The following LY86 variants were observed in gnomAD, a reference collection of about 807,000 sequenced individuals.
The protein encoded by LY86 is lymphocyte antigen 86.
A neutral mutation model predicts 17.3 loss-of-function variants in LY86; 20 were observed. The ratio of observed to expected loss-of-function variants is 1.15; its 90% CI spans 0.81 to 1.68. LY86 has a LOEUF of 1.68. Among genes scored for constraint, LY86 ranks in the 40% most tolerant of loss-of-function variants. The probability of loss-of-function intolerance (pLI) is 0.00; values close to 1 mark genes in which losing one functional copy is unlikely to be tolerated. For synonymous variants in LY86, 74 were observed against 70.6 expected (o/e 1.05, Z -0.24); for missense variants, 200 against 191.9 (o/e 1.04, Z -0.25).
At chr6:6,629,748 C>A (rs1026787547) in intron 3 of LY86, among the ~76,000 whole-genome samples, 2 of 152,212 alleles carry the variant, frequency 1.3e-5, no homozygotes, top group South Asian at 4.1e-4. Context: ...TTAAGGCAAG[C>A]ATCACATTGG....
chr6:6,625,515 T>G (rs912847266), intron 2 of LY86, among the ~76,000 whole-genome samples: 1 of 152,214 alleles, frequency 6.6e-6, no homozygotes, highest in African/African-American at 2.4e-5. Flanking sequence ...ACTTTCTGAT[T>G]GTTTAATTTT....
At chr6:6,636,802 C>T (rs575710493) in intron 3 of LY86, among the ~76,000 whole-genome samples, 2 of 151,590 alleles carry the variant, frequency 1.3e-5, no homozygotes, top group Admixed American at 1.3e-4. Context: ...CTTGTAAATA[C>T]CAGGCAGCTG....
intron 3 of LY86, among the ~76,000 whole-genome samples, chr6:6,646,674 T>A (rs1363682265): frequency 6.6e-6 from 1 of 152,180 alleles, no homozygotes; most frequent in Non-Finnish European, 1.5e-5. Context: ...ACTTCCCCAC[T>A]GTTACAATCA....
chr6:6,605,483 T>A (rs1344978330), intron 1 of LY86, among the ~76,000 whole-genome samples: 1 of 152,244 alleles, frequency 6.6e-6, no homozygotes, highest in Non-Finnish European at 1.5e-5. Context: ...CTTCAATAGC[T>A]ATTAGCCAGA....
chr6:6,592,845 AAGCCCCCC>A (rs1760574913), intron 1 of LY86, among the ~76,000 whole-genome samples: 1 of 152,190 alleles, frequency 6.6e-6, no homozygotes, highest in South Asian at 2.1e-4. Flanking sequence ...TTGGCTGTTT[AAGCCCCCC>A]AGTCTATATA....
In LY86 at chr6:6,588,863, G is replaced by C; in HGVS notation, c.129G>C (p.Gln43His). Residue 43 changes from glutamine (Q) to histidine (H), a missense_variant, in exon 1 of 5, where the codon CAG (glutamine) becomes CAC (histidine). By Grantham distance (24) the Gln-to-His change is conservative. Transcript: ENST00000230568. ...ACAGCGGCTTGGAAGTGCTCTACCA[G>C]AGTTGCGGTAAGCCCTTGCAGTACA... is the stretch of plus-strand genomic sequence containing the variant. ...CSDSGLEVLY[Q>H]SCDPLQDFGF... 6.2e-7 allele frequency: 1 copy of C among 1,614,016 alleles called. No individual in the cohort carries two copies. Among genetic ancestry groups the C allele is most frequent in the Non-Finnish European group, 8.5e-7 (1 of 1,179,920 alleles).
At chr6:6,605,706 C>T (rs1359410715) in intron 1 of LY86, among the ~76,000 whole-genome samples, 4 of 151,962 alleles carry the variant, frequency 2.6e-5, no homozygotes, top group African/African-American at 9.7e-5. Context: ...AATGAAGCCG[C>T]GGAACCTCGC....
rs78292084 is a variant in LY86, at chr6:6,637,004, G to T, written c.352+10583G>T. Among the ~76,000 whole-genome samples, 54 of 109,846 alleles carry T rather than the reference G, an allele frequency of 4.9e-4. 1 individual carries two copies. Among genetic ancestry groups the T allele is most frequent in the East Asian group, 2.5e-3 (9 of 3,536 alleles). The allele number at this position is 109,846 out of a possible 152,430, so 72.1% of individuals were successfully genotyped here. On this transcript the variant is annotated intron_variant, in intron 3 of 4. Coordinates refer to ENST00000230568, the MANE Select transcript of LY86 (RefSeq NM_004271.4). ...AAATGGAATGAAAGGAAGCATATTGGTTTTTTTTTTTTTTTTTTTTTAATG... is the reference window on the plus strand; with the variant it reads ...AAATGGAATGAAAGGAAGCATATTGTTTTTTTTTTTTTTTTTTTTTTAATG...
chr6:6,607,279 C>T (rs1761195104), intron 1 of LY86, among the ~76,000 whole-genome samples: 1 of 152,190 alleles, frequency 6.6e-6, no homozygotes, highest in Non-Finnish European at 1.5e-5. Flanking sequence ...CCAAACTGTA[C>T]TCTTGAAAAT....
At position 6,609,561 on chromosome 6, in the gene LY86, T is replaced by G. The variant is rs190371608; in HGVS notation, c.137-15365T>G. Among the ~76,000 whole-genome samples, 99 of 152,322 alleles carry G rather than the reference T, an allele frequency of 6.5e-4. 1 individual carries two copies. Among genetic ancestry groups the G allele is most frequent in the African/African-American group, 2.0e-3 (84 of 41,580 alleles). On this transcript the variant is annotated intron_variant, in intron 1 of 4. Coordinates refer to ENST00000230568, the MANE Select transcript of LY86 (RefSeq NM_004271.4). ...GGCACTACTCCACCTTAAATCCAGG[T>G]GGCCACATTCAGAAGCACTGTCACG...
intron 3 of LY86, among the ~76,000 whole-genome samples, chr6:6,642,168 G>A (rs377349540): frequency 4.1e-4 from 62 of 152,376 alleles, no homozygotes; most frequent in Admixed American, 1.1e-3. Flanking sequence ...AGCATATGCT[G>A]CTGGGATTCA....
chr6:6,652,466 G>C (rs1477183564), intron 4 of LY86, among the ~76,000 whole-genome samples: 1 of 152,084 alleles, frequency 6.6e-6, no homozygotes, highest in African/African-American at 2.4e-5. Context: ...CATTCTCCAG[G>C]GTCTTGGTAT....
At chr6:6,605,695 G>A (rs1027874080) in intron 1 of LY86, among the ~76,000 whole-genome samples, 6 of 152,170 alleles carry the variant, frequency 3.9e-5, no homozygotes, top group Non-Finnish European at 7.3e-5. Flanking sequence ...CGGACTTAAA[G>A]AATGAAGCCG....
At chr6:6,643,109 T>C (rs919073141) in intron 3 of LY86, among the ~76,000 whole-genome samples, 6 of 152,236 alleles carry the variant, frequency 3.9e-5, no homozygotes, top group Non-Finnish European at 8.8e-5. Context: ...CCTTTGGATA[T>C]ATAAATACCT....
In LY86 at chr6:6,654,786, C is replaced by T; in HGVS notation, c.*159C>T. 1 of 611,716 alleles carries T rather than the reference C, an allele frequency of 1.6e-6. No individual in the cohort carries two copies. The highest frequency in any genetic ancestry group is 2.9e-6 in the Non-Finnish European group (1 of 344,392). The allele number at this position is 611,716 out of a possible 1,614,324, so 37.9% of individuals were successfully genotyped here. On this transcript the variant is annotated 3_prime_UTR_variant, in exon 5 of 5. Coordinates refer to ENST00000230568, the MANE Select transcript of LY86 (RefSeq NM_004271.4). ...CAGCTGCTAATTTTAGTCCCAGGAC[C>T]AGACATCCCCAGACTCCACAGATGT...
intron 1 of LY86, among the ~76,000 whole-genome samples, chr6:6,593,695 A>T (rs1232730269): frequency 6.6e-6 from 1 of 152,170 alleles, no homozygotes; most frequent in Admixed American, 6.5e-5. Context: ...TTCTGAAATA[A>T]AATTAGTTTT....
At chr6:6,640,595 C>T (rs1762025853) in intron 3 of LY86, among the ~76,000 whole-genome samples, 1 of 151,744 alleles carries the variant, frequency 6.6e-6, no homozygotes, top group African/African-American at 2.4e-5. Context: ...GTGGTGTAGT[C>T]CTGGCTACTT....
In LY86 at chr6:6,624,265, G is replaced by T. The variant is rs572394724; in HGVS notation, c.137-661G>T. 5.3e-5 allele frequency among the ~76,000 whole-genome samples: 8 copies of T among 151,016 alleles called. No homozygotes were observed. The East Asian group carries it at 1.2e-3, about 22-fold the overall frequency. The stretch of plus-strand genomic sequence containing the variant: ...GGCATAGATAAGCCATTGGAGCTTT[G>T]TGAATGAGCAGAAGTTGTATGCAGA... On this transcript the variant is annotated intron_variant, in intron 1 of 4. Transcript: ENST00000230568.
At chr6:6,625,517 T>C (rs1761770411) in intron 2 of LY86, among the ~76,000 whole-genome samples, 1 of 152,232 alleles carries the variant, frequency 6.6e-6, no homozygotes, top group Non-Finnish European at 1.5e-5. Flanking sequence ...TTTCTGATTG[T>C]TTAATTTTCA....
Sources: allele counts gnomAD v4.1 joint callset (sites outside exome capture counted in the v4.1 genomes callset), GRCh38; gene constraint gnomAD v4.1.1; transcripts MANE v1.5; gene names NCBI Gene and HGNC (gene_info 2026-07-23, HGNC 2026-07-21).